Variants in SLC5A4 observed in about 807,000 individuals in gnomAD.
SLC5A4 encodes the protein probable glucose sensor protein SLC5A4.
SLC5A4 carries 55 observed loss-of-function variants against 70.3 expected under a neutral mutation model. The observed-to-expected ratio is 0.78, with a 90% CI of 0.63 to 0.98. The LOEUF is 0.98. SLC5A4 is among the 50% of genes least tolerant of loss of function. SLC5A4 has a pLI of 0.00. For missense variants in SLC5A4, 735 were observed against 839.2 expected (o/e 0.88, Z 1.53); for synonymous variants, 268 against 305.7 (o/e 0.88, Z 1.29).
chr22:32,343,612 C>T, the SLC5A4 span, among the ~76,000 whole-genome samples: 1 of 152,178 alleles, frequency 6.6e-6, no homozygotes, highest in South Asian at 2.1e-4. Context: ...TTGCTTACAT[C>T]CATAAGCAGT....
At chr22:32,279,467 T>C in the SLC5A4 span, among the ~76,000 whole-genome samples, 1 of 151,946 alleles carries the variant, frequency 6.6e-6, no homozygotes, top group Non-Finnish European at 1.5e-5. Context: ...ACAAAGCAGG[T>C]CATCTGCCAG....
chr22:32,302,865 T>C, the SLC5A4 span, among the ~76,000 whole-genome samples: 3 of 152,382 alleles, frequency 2.0e-5, no homozygotes, highest in African/African-American at 2.4e-5. Flanking sequence ...AAAAAAATCT[T>C]CCTGGGATTT....
In SLC5A4 at chr22:32,255,089, CAAT is replaced by C. The variant is rs1927400035; in HGVS notation, c.135+103_135+105del. 3.8e-6 allele frequency: 4 copies of C among 1,043,566 alleles called. No homozygotes were observed. In the East Asian group the frequency reaches 9.5e-5, roughly 25 times the overall value. The allele number at this position is 1,043,566 out of a possible 1,614,324, so 64.6% of individuals were successfully genotyped here. A position where few individuals can be genotyped will look rare whatever the true frequency, so the allele number is the denominator to read the frequency against. On this transcript the variant is annotated intron_variant, in intron 1 of 14. Coordinates refer to ENST00000266086, the MANE Select transcript of SLC5A4 (RefSeq NM_014227.3). ...ACACAAGAAAATGATTCTGATAACACAATGACATTTGTGAAAAGCTTTGTCACA... is the reference window on the plus strand; with the variant it reads ...ACACAAGAAAATGATTCTGATAACACGACATTTGTGAAAAGCTTTGTCACA...
chr22:32,351,656 C>T, the SLC5A4 span, among the ~76,000 whole-genome samples: 1 of 140,194 alleles, frequency 7.1e-6, no homozygotes, highest in Non-Finnish European at 1.5e-5. Context: ...GAGCAGAGAT[C>T]ACCACTGCAC....
At chr22:32,338,445 T>G in the SLC5A4 span, among the ~76,000 whole-genome samples, 10 of 152,140 alleles carry the variant, frequency 6.6e-5, no homozygotes, top group Non-Finnish European at 1.5e-5. Flanking sequence ...GGTCAGGAGT[T>G]CGGAGACCAG....
At chr22:32,319,953 C>T in the SLC5A4 span, among the ~76,000 whole-genome samples, 4,017 of 152,072 alleles carry the variant, frequency 0.026, 54 homozygotes, top group Admixed American at 0.035. Context: ...AGAACAAAAG[C>T]GACTGCCTGC....
chr22:32,304,660 A>G, the SLC5A4 span, among the ~76,000 whole-genome samples: 1 of 152,004 alleles, frequency 6.6e-6, no homozygotes, highest in Non-Finnish European at 1.5e-5. Flanking sequence ...TTTTGCAAAT[A>G]TTTTCTCCCG....
At chr22:32,317,358 C>A in the SLC5A4 span, among the ~76,000 whole-genome samples, 10 of 151,906 alleles carry the variant, frequency 6.6e-5, no homozygotes, top group Admixed American at 2.0e-4. Flanking sequence ...GAAAGACAAA[C>A]CTAAGAAAGA....
the SLC5A4 span, among the ~76,000 whole-genome samples, chr22:32,310,647 G>C: frequency 1.3e-5 from 2 of 152,206 alleles, no homozygotes; most frequent in African/African-American, 4.8e-5. Flanking sequence ...CTGCCTGGAG[G>C]AGACAGCTGG....
chr22:32,259,980 G>A (rs5998352), upstream of SLC5A4, among the ~76,000 whole-genome samples: 4 of 152,152 alleles, frequency 2.6e-5, no homozygotes, highest in African/African-American at 7.2e-5. Flanking sequence ...TGCCTGCCCC[G>A]ACCCCAACCC....
the SLC5A4 span, among the ~76,000 whole-genome samples, chr22:32,351,656 C>A: frequency 7.1e-6 from 1 of 140,194 alleles, no homozygotes; most frequent in Non-Finnish European, 1.5e-5. Flanking sequence ...GAGCAGAGAT[C>A]ACCACTGCAC....
chr22:32,301,120 G>C, the SLC5A4 span, among the ~76,000 whole-genome samples: 2 of 152,056 alleles, frequency 1.3e-5, no homozygotes, highest in African/African-American at 4.8e-5. Flanking sequence ...CCACCACTGC[G>C]CCCGGCTAAT....
the SLC5A4 span, among the ~76,000 whole-genome samples, chr22:32,322,684 C>T: frequency 4.6e-5 from 7 of 152,124 alleles, no homozygotes; most frequent in African/African-American, 1.7e-4. Flanking sequence ...GTGGAGCCCT[C>T]GGTTGCACAA....
At chr22:32,246,047 G>A (rs1323789172) in intron 5 of SLC5A4, among the ~76,000 whole-genome samples, 2 of 152,180 alleles carry the variant, frequency 1.3e-5, no homozygotes, top group Non-Finnish European at 2.9e-5. Context: ...ACTCTTCTCC[G>A]GGTGTGCACG....
the SLC5A4 span, among the ~76,000 whole-genome samples, chr22:32,293,258 G>C: frequency 6.6e-6 from 1 of 151,970 alleles, no homozygotes; most frequent in Non-Finnish European, 1.5e-5. Flanking sequence ...GTTTTAAATG[G>C]TGCATTTCAT....
chr22:32,349,496 C>T, the SLC5A4 span, among the ~76,000 whole-genome samples: 4 of 152,254 alleles, frequency 2.6e-5, no homozygotes, highest in South Asian at 6.2e-4. Flanking sequence ...TTTCTAAAGT[C>T]AAAGAAGTGG....
At chr22:32,308,918 T>C in the SLC5A4 span, among the ~76,000 whole-genome samples, 32 of 152,292 alleles carry the variant, frequency 2.1e-4, no homozygotes, top group African/African-American at 7.0e-4. Context: ...AATAACTTCA[T>C]CCAGGTCTGT....
the SLC5A4 span, among the ~76,000 whole-genome samples, chr22:32,309,289 A>G: frequency 2.0e-5 from 3 of 152,246 alleles, no homozygotes; most frequent in South Asian, 2.1e-4. Context: ...GTTCCCAGTG[A>G]GAAACAGTCC....
chr22:32,235,062 A>G lies in SLC5A4; in HGVS notation c.696T>C (p.Phe232=). The G allele has an allele frequency of 1.2e-6, 2 of 1,613,838 alleles. No homozygotes were observed. Among genetic ancestry groups the G allele is most frequent in the Non-Finnish European group, 8.5e-7 (1 of 1,179,960 alleles). Residue 232 remains phenylalanine (F), a synonymous_variant, in exon 8 of 15, where the codon TTT becomes TTC. Coordinates refer to ENST00000266086, the MANE Select transcript of SLC5A4 (RefSeq NM_014227.3). ...AFNEVGGYES[F]TEKYVNATPS... Reference sequence around the variant, plus strand: ...GGGTGGCATTCACGTACTTCTCGGTAAAGCTCTCATAACCTCCAACTTCGT... The same window carrying G: ...GGGTGGCATTCACGTACTTCTCGGTGAAGCTCTCATAACCTCCAACTTCGT...
Sources: allele counts gnomAD v4.1 joint callset (sites outside exome capture counted in the v4.1 genomes callset), GRCh38; gene constraint gnomAD v4.1.1; transcripts MANE v1.5; gene names NCBI Gene and HGNC (gene_info 2026-07-23, HGNC 2026-07-21).